Variants in LUZP2 observed in about 807,000 individuals in gnomAD.
LUZP2 encodes leucine zipper protein 2.
A neutral mutation model predicts 51.6 loss-of-function variants in LUZP2; 52 were observed. The ratio of observed to expected loss-of-function variants is 1.01; its 90% CI spans 0.81 to 1.27. LUZP2 has a LOEUF of 1.27. LUZP2 is among the 50% of genes most tolerant of loss of function. LUZP2 has a pLI of 0.00. For missense variants in LUZP2, 436 were observed against 395.4 expected, an observed-to-expected ratio of 1.10 and a Z score of -0.87; for synonymous variants, 154 against 137.3, an observed-to-expected ratio of 1.12 and a Z score of -0.85.
chr11:24,807,112 A>G (rs193151957), intron 5 of LUZP2, among the ~76,000 whole-genome samples: 144 of 152,060 alleles, frequency 9.5e-4, no homozygotes, highest in Middle Eastern at 3.4e-3. Context: ...AAGGAAGGAA[A>G]AAGTAATATC....
At chr11:25,014,158 A>T (rs1469700223) in intron 9 of LUZP2, among the ~76,000 whole-genome samples, 2 of 152,180 alleles carry the variant, frequency 1.3e-5, no homozygotes, top group African/African-American at 4.8e-5. Context: ...ATTGTTGGAC[A>T]TTTGGGTTGG....
rs77144901 is a variant in LUZP2, at chr11:24,931,989, A to G, written c.522+17451A>G. Among the ~76,000 whole-genome samples, 1,475 of 152,196 alleles carry G rather than the reference A, an allele frequency of 9.7e-3. 20 individuals are homozygous for G. The highest frequency in any genetic ancestry group is 0.045 in the South Asian group (216 of 4,820). On this transcript the variant is annotated intron_variant, in intron 7 of 11. Coordinates refer to ENST00000336930, the MANE Select transcript of LUZP2 (RefSeq NM_001009909.4). ...GTTCACCTCTTCCCATAGGGATGTG[A>G]CTTCCTGAGAGCTGAACTGCAGTGA...
intron 1 of LUZP2, among the ~76,000 whole-genome samples, chr11:24,680,997 C>T (rs1244493630): frequency 8.1e-5 from 11 of 136,504 alleles, no homozygotes; most frequent in Non-Finnish European, 1.5e-4. Flanking sequence ...TTTTTTGAGA[C>T]GGAGTCTCGC....
At chr11:24,844,903 G>A (rs945846701) in intron 5 of LUZP2, among the ~76,000 whole-genome samples, 1 of 152,240 alleles carries the variant, frequency 6.6e-6, no homozygotes, top group African/African-American at 2.4e-5. Flanking sequence ...GTATGGAAAT[G>A]TCTGTATACC....
At chr11:24,499,187 T>C (rs1235606796) in intron 1 of LUZP2, among the ~76,000 whole-genome samples, 1 of 152,202 alleles carries the variant, frequency 6.6e-6, no homozygotes, top group East Asian at 1.9e-4. Context: ...TATTAAATTT[T>C]ACCAGAAGAG....
intron 7 of LUZP2, among the ~76,000 whole-genome samples, chr11:24,922,571 A>T (rs1854092366): frequency 6.6e-6 from 1 of 152,170 alleles, no homozygotes; most frequent in African/African-American, 2.4e-5. Context: ...GTGTGAATTT[A>T]TTTCCAGTTA....
intron 5 of LUZP2, chr11:24,893,054 A>G (rs2133761818): frequency 6.6e-6 from 1 of 152,296 alleles, no homozygotes; most frequent in East Asian, 1.9e-4. Context: ...AGAGGTAGAA[A>G]AAATATTTTT....
intron 5 of LUZP2, among the ~76,000 whole-genome samples, chr11:24,900,467 A>G (rs1206549586): frequency 6.6e-6 from 1 of 152,206 alleles, no homozygotes; most frequent in African/African-American, 2.4e-5. Context: ...CCATTCATCT[A>G]AAGACATAAG....
chr11:24,532,153 A>G (rs1408509477), intron 1 of LUZP2, among the ~76,000 whole-genome samples: 1 of 150,898 alleles, frequency 6.6e-6, no homozygotes, highest in Non-Finnish European at 1.5e-5. Context: ...TTATTTGTGT[A>G]CCACCCCTTC....
intron 5 of LUZP2, among the ~76,000 whole-genome samples, chr11:24,864,548 G>T (rs1276096152): frequency 6.6e-6 from 1 of 152,140 alleles, no homozygotes; most frequent in Admixed American, 6.5e-5. Flanking sequence ...TGCTGGGCCT[G>T]GCTTTCTGTG....
At chr11:24,853,010 T>A (rs1400248956) in intron 5 of LUZP2, among the ~76,000 whole-genome samples, 2 of 152,178 alleles carry the variant, frequency 1.3e-5, no homozygotes, top group East Asian at 3.9e-4. Flanking sequence ...CACCGATTGG[T>A]CTTGACTCTT....
At chr11:24,544,986 G>T (rs1851493598) in intron 1 of LUZP2, among the ~76,000 whole-genome samples, 2 of 152,022 alleles carry the variant, frequency 1.3e-5, no homozygotes, top group South Asian at 4.1e-4. Flanking sequence ...CATTCTGACT[G>T]GTGTGAGATG....
At chr11:24,856,029 T>C (rs759040399) in intron 5 of LUZP2, among the ~76,000 whole-genome samples, 18 of 152,074 alleles carry the variant, frequency 1.2e-4, no homozygotes, top group Admixed American at 7.2e-4. Context: ...GAAAACTCCT[T>C]TGGACATCAG....
intron 5 of LUZP2, among the ~76,000 whole-genome samples, chr11:24,874,716 C>A (rs1040808280): frequency 2.6e-5 from 4 of 152,222 alleles, no homozygotes; most frequent in East Asian, 3.9e-4. Context: ...GAGTGTGGGG[C>A]ACTTGTTGAA....
At chr11:24,849,179 G>A (rs964636790) in intron 5 of LUZP2, among the ~76,000 whole-genome samples, 4 of 151,924 alleles carry the variant, frequency 2.6e-5, no homozygotes, top group African/African-American at 7.3e-5. Context: ...TGTGCAGAAC[G>A]TACAGCTTTG....
intron 1 of LUZP2, 25 bp downstream of exon 1, chr11:24,497,330 T>C (rs1849856995): frequency 3.3e-6 from 5 of 1,494,626 alleles, no homozygotes; most frequent in Non-Finnish European, 4.5e-6. Context: ...GTGAGTGACC[T>C]GAGGCCAGGG....
At chr11:24,757,443 TTAA>T (rs1326914853) in intron 4 of LUZP2, among the ~76,000 whole-genome samples, 1 of 152,154 alleles carries the variant, frequency 6.6e-6, no homozygotes, top group Non-Finnish European at 1.5e-5. Flanking sequence ...TACTTGGCAC[TTAA>T]TAATAATGAA....
At chr11:25,039,462 A>G (rs1303597370) in intron 9 of LUZP2, among the ~76,000 whole-genome samples, 1 of 152,162 alleles carries the variant, frequency 6.6e-6, no homozygotes, top group Non-Finnish European at 1.5e-5. Context: ...GGAATCAGGC[A>G]GTGTTTTATC....
At chr11:24,627,739 C>A (rs1202059287) in intron 1 of LUZP2, among the ~76,000 whole-genome samples, 1 of 152,088 alleles carries the variant, frequency 6.6e-6, no homozygotes, top group Non-Finnish European at 1.5e-5. Context: ...AGCTGCAGGC[C>A]TGAGAGACAG....
Sources: allele counts gnomAD v4.1 joint callset (sites outside exome capture counted in the v4.1 genomes callset), GRCh38; gene constraint gnomAD v4.1.1; transcripts MANE v1.5; gene names NCBI Gene and HGNC (gene_info 2026-07-23, HGNC 2026-07-21).